Variants in MGAT4C observed in about 807,000 individuals in gnomAD.
The protein encoded by MGAT4C is MGAT4 family member C.
Under a neutral mutation model 40.1 loss-of-function variants are expected in MGAT4C, and 19 were observed. The ratio of observed to expected loss-of-function variants is 0.47; its 90% CI spans 0.33 to 0.70. The LOEUF (loss-of-function observed/expected upper bound fraction) is 0.70. MGAT4C is among the 30% of genes least tolerant of loss of function. The pLI is 0.02. For synonymous variants in MGAT4C, 181 were observed against 187.1 expected, an observed-to-expected ratio of 0.97 and a Z score of 0.27; for missense variants, 491 against 563.2, an observed-to-expected ratio of 0.87 and a Z score of 1.30.
At chr12:86,578,437 T>C (rs984668666) in intron 2 of MGAT4C, among the ~76,000 whole-genome samples, 6 of 151,814 alleles carry the variant, frequency 4.0e-5, no homozygotes, top group East Asian at 1.9e-4. Context: ...ATTGTTTAAG[T>C]AGGATTGGTA....
intron 1 of MGAT4C, among the ~76,000 whole-genome samples, chr12:86,117,687 GGAGA>G (rs1233374481): frequency 6.6e-6 from 1 of 152,128 alleles, no homozygotes; most frequent in African/African-American, 2.4e-5. Context: ...TCATTGAGAA[GGAGA>G]GAGTGGCTGA....
intron 3 of MGAT4C, among the ~76,000 whole-genome samples, chr12:86,415,468 A>G (rs894059557): frequency 3.9e-5 from 6 of 152,014 alleles, no homozygotes; most frequent in African/African-American, 1.4e-4. Flanking sequence ...AGTATCATGG[A>G]TATATGAAAA....
At chr12:86,356,464 C>G (rs1056005334) in intron 3 of MGAT4C, among the ~76,000 whole-genome samples, 1 of 152,140 alleles carries the variant, frequency 6.6e-6, no homozygotes, top group African/African-American at 2.4e-5. Context: ...GTTCATCTCA[C>G]TGGGGCTTGT....
rs143420978 is a variant in MGAT4C at position 86,540,366 on chromosome 12, G to C, written c.-228-105101C>G. 5.5e-3 allele frequency among the ~76,000 whole-genome samples: 842 copies of C among 152,278 alleles called. 4 individuals are homozygous for C. The highest frequency in any genetic ancestry group is 0.01 in the Middle Eastern group (3 of 294). On this transcript the variant is annotated intron_variant, in intron 2 of 7. Coordinates refer to the MGAT4C transcript ENST00000548651. The stretch of plus-strand genomic sequence containing the variant: ...CAGGCAATTAAATTTGAGCCATGTT[G>C]AAAGCAGGTATAGCAGCCCAGGTTA...
At chr12:86,081,796 T>C (rs1592883980) in intron 1 of MGAT4C, among the ~76,000 whole-genome samples, 1 of 152,246 alleles carries the variant, frequency 6.6e-6, no homozygotes. Flanking sequence ...GCCAACTATC[T>C]GGAAATATCC....
intron 2 of MGAT4C, among the ~76,000 whole-genome samples, chr12:85,991,241 G>C (rs1885891894): frequency 6.6e-6 from 1 of 152,136 alleles, no homozygotes; most frequent in Admixed American, 6.6e-5. Flanking sequence ...CTCTCTGCAG[G>C]TGGCCACTCC....
intron 2 of MGAT4C, among the ~76,000 whole-genome samples, chr12:86,489,711 T>C (rs1009816167): frequency 3.3e-5 from 5 of 152,078 alleles, no homozygotes; most frequent in Non-Finnish European, 7.4e-5. Context: ...GGTTGAACCA[T>C]GTGGGCTGAG....
At chr12:86,803,281 T>C (rs1328332894) in intron 1 of MGAT4C, among the ~76,000 whole-genome samples, 2 of 150,982 alleles carry the variant, frequency 1.3e-5, no homozygotes, top group East Asian at 1.9e-4. Flanking sequence ...GGATTAAAGA[T>C]TTAAACGTTA....
intron 2 of MGAT4C, among the ~76,000 whole-genome samples, chr12:86,035,753 A>G (rs1222191035): frequency 2.0e-5 from 3 of 149,984 alleles, no homozygotes; most frequent in Admixed American, 6.7e-5. Flanking sequence ...TAATTTTTAT[A>G]TAAGGTGTAA....
At chr12:86,227,112 C>T (rs758119474) in intron 1 of MGAT4C, among the ~76,000 whole-genome samples, 2 of 151,932 alleles carry the variant, frequency 1.3e-5, no homozygotes, top group Non-Finnish European at 2.9e-5. Context: ...TTATCTAAAT[C>T]ATCTCCTCAG....
At chr12:86,247,219 A>T (rs1314003053) in intron 1 of MGAT4C, among the ~76,000 whole-genome samples, 1 of 152,226 alleles carries the variant, frequency 6.6e-6, no homozygotes, top group Non-Finnish European at 1.5e-5. Context: ...GGCTGCAGAT[A>T]TGGGCATGCA....
chr12:86,668,794 T>G (rs1964177862), intron 2 of MGAT4C, among the ~76,000 whole-genome samples: 1 of 152,160 alleles, frequency 6.6e-6, no homozygotes, highest in Admixed American at 6.5e-5. Flanking sequence ...GGTGGTGGAC[T>G]TGCTGCCAGA....
chr12:86,633,723 C>T (rs567396961), intron 2 of MGAT4C, among the ~76,000 whole-genome samples: 79 of 152,056 alleles, frequency 5.2e-4, no homozygotes, highest in South Asian at 1.0e-3. Context: ...ATTGCACTTA[C>T]GGTAAAATGT....
rs1883295634 is a variant in MGAT4C at position 85,965,209 on chromosome 12, T to A, written c.*14080A>T. Reference sequence around the variant, plus strand: ...TATGTATACATGTGCCATGTTGGTGTTCTGCATCTTAAGAGAAGACTATTT... The same window carrying A: ...TATGTATACATGTGCCATGTTGGTGATCTGCATCTTAAGAGAAGACTATTT... On this transcript the variant is annotated 3_prime_UTR_variant, in exon 5 of 5. Transcript: ENST00000611864. The A allele has an allele frequency of 6.6e-6, 1 of 152,144 alleles. No individual in the cohort carries two copies. The highest frequency in any genetic ancestry group is 2.4e-5 in the African/African-American group (1 of 41,434). The allele number at this position is 152,144 out of a possible 1,614,324, so 9.4% of individuals were successfully genotyped here. A position where few individuals can be genotyped will look rare whatever the true frequency, so the allele number is the denominator to read the frequency against.
chr12:86,179,684 G>T (rs1232841677), intron 1 of MGAT4C, among the ~76,000 whole-genome samples: 12 of 152,194 alleles, frequency 7.9e-5, no homozygotes, highest in Non-Finnish European at 1.6e-4. Flanking sequence ...CTGCCCTAGA[G>T]ATTTGTGGAA....
chr12:86,112,120 T>C (rs1020818960), intron 1 of MGAT4C, among the ~76,000 whole-genome samples: 2 of 151,756 alleles, frequency 1.3e-5, no homozygotes, highest in Non-Finnish European at 3.0e-5. Context: ...ATATCATCTA[T>C]GCATTATTCA....
chr12:86,371,243 G>A (rs1385661695), intron 3 of MGAT4C, among the ~76,000 whole-genome samples: 1 of 151,872 alleles, frequency 6.6e-6, no homozygotes, highest in African/African-American at 2.4e-5. Context: ...GCATTGTGAA[G>A]GGAGAAAGCT....
chr12:86,451,656 C>A (rs1957426575), intron 2 of MGAT4C, among the ~76,000 whole-genome samples: 1 of 152,002 alleles, frequency 6.6e-6, no homozygotes, highest in Non-Finnish European at 1.5e-5. Context: ...TTTTCTCTTT[C>A]CAAAACACTG....
chr12:86,645,383 T>C (rs1382526700), intron 2 of MGAT4C, among the ~76,000 whole-genome samples: 2 of 151,746 alleles, frequency 1.3e-5, no homozygotes, highest in Non-Finnish European at 2.9e-5. Flanking sequence ...ATTAAATACA[T>C]TTTTTCTCAT....
Sources: allele counts gnomAD v4.1 joint callset (sites outside exome capture counted in the v4.1 genomes callset), GRCh38; gene constraint gnomAD v4.1.1; transcripts MANE v1.5; gene names NCBI Gene and HGNC (gene_info 2026-07-23, HGNC 2026-07-21).